RGS7: variants seen among roughly 807,000 people sequenced by gnomAD.
RGS7 encodes regulator of G-protein signaling 7.
RGS7 carries 27 observed loss-of-function variants against 81.1 expected under a neutral mutation model. The observed-to-expected ratio is 0.33, with a 90% CI of 0.25 to 0.46. The LOEUF (loss-of-function observed/expected upper bound fraction) is 0.46, where lower values mean the gene tolerates loss of function less well. Ranked by LOEUF, RGS7 falls within the 20% of genes least tolerant of loss-of-function variation. The pLI, the probability that RGS7 is intolerant of heterozygous loss-of-function variation, is 1.00. For synonymous variants in RGS7, 208 were observed against 207.7 expected, an observed-to-expected ratio of 1.00 and a Z score of -0.01; for missense variants, 396 against 607.4, an observed-to-expected ratio of 0.65 and a Z score of 3.66.
At chr1:241,089,132 G>T (rs1263620525) in intron 3 of RGS7, among the ~76,000 whole-genome samples, 3 of 133,392 alleles carry the variant, frequency 2.2e-5, no homozygotes, top group Admixed American at 1.5e-4. Flanking sequence ...GTCTCAACTG[G>T]GCATAGGGGA....
chr1:241,182,734 C>T (rs758267688), intron 2 of RGS7, among the ~76,000 whole-genome samples: 7 of 151,170 alleles, frequency 4.6e-5, no homozygotes, highest in African/African-American at 7.3e-5. Context: ...GTGCAACCTC[C>T]GCCTTGCGGG....
At chr1:240,986,150 C>G (rs892459553) in intron 3 of RGS7, among the ~76,000 whole-genome samples, 1 of 152,054 alleles carries the variant, frequency 6.6e-6, no homozygotes, top group African/African-American at 2.4e-5. Flanking sequence ...GCATATGTCA[C>G]TTTTAGAGTT....
chr1:241,132,496 G>A (rs1424303459), intron 2 of RGS7: 1 of 152,278 alleles, frequency 6.6e-6, no homozygotes, highest in Non-Finnish European at 1.5e-5. Flanking sequence ...TTGGCAAAGA[G>A]GAATGCTTCC....
intron 2 of RGS7, among the ~76,000 whole-genome samples, chr1:241,135,351 C>T (rs1224752894): frequency 2.6e-5 from 4 of 152,176 alleles, no homozygotes; most frequent in African/African-American, 9.6e-5. Flanking sequence ...GGCGTGAACC[C>T]GGGAGGCGGA....
At chr1:240,827,317 C>A in intron 9 of RGS7, 145 bp from the exon 10 acceptor site, 8 of 717,090 alleles carry the variant, frequency 1.1e-5, no homozygotes, top group South Asian at 1.0e-4. Context: ...TGGCCACAGC[C>A]AGTCCCATCA....
chr1:241,077,843 C>T (rs1002861635), intron 3 of RGS7, among the ~76,000 whole-genome samples: 8 of 152,094 alleles, frequency 5.3e-5, no homozygotes, highest in African/African-American at 1.9e-4. Flanking sequence ...TCACCCCTAC[C>T]CTGAGAAGTC....
intron 2 of RGS7, among the ~76,000 whole-genome samples, chr1:241,197,856 C>G (rs973586926): frequency 6.7e-6 from 1 of 148,884 alleles, no homozygotes. Flanking sequence ...AGATTGCAAA[C>G]TTGATCTAGT....
At position 240,846,722 on chromosome 1, in the gene RGS7, G is replaced by A. The variant is rs76859056; in HGVS notation, c.610-19550C>T. The stretch of plus-strand genomic sequence containing the variant: ...TTTGTGTAACCAATAAACTATGACA[G>A]AAGAGATGACATACCACTTATGAGA... On this transcript the variant is annotated intron_variant, in intron 9 of 18. Coordinates refer to ENST00000440928, the MANE Select transcript of RGS7 (RefSeq NM_001364886.1). Among the ~76,000 whole-genome samples the A allele has an allele frequency of 3.9e-4, 59 of 152,260 alleles. 1 individual carries two copies. In the East Asian group the frequency reaches 0.011, roughly 28 times the overall value.
At chr1:241,254,967 C>A (rs2148239365) in intron 2 of RGS7, among the ~76,000 whole-genome samples, 1 of 152,266 alleles carries the variant, frequency 6.6e-6, no homozygotes, top group East Asian at 1.9e-4. Flanking sequence ...CCCATCCAAC[C>A]AACTATCCTT....
chr1:240,802,854 T>G (rs374089343), intron 16 of RGS7, 50 bp downstream of exon 16: 2 of 1,183,144 alleles, frequency 1.7e-6, no homozygotes, highest in Non-Finnish European at 2.5e-6. Flanking sequence ...CTCCAAATAA[T>G]TATAACTGAG....
chr1:241,182,681 G>A (rs1392713473), intron 2 of RGS7, among the ~76,000 whole-genome samples: 4 of 133,278 alleles, frequency 3.0e-5, no homozygotes, highest in Non-Finnish European at 4.6e-5. Context: ...ACAGAGTCTC[G>A]CTCTGTCACC....
intron 6 of RGS7, among the ~76,000 whole-genome samples, chr1:240,894,177 A>G (rs1668680093): frequency 6.6e-6 from 1 of 152,158 alleles, no homozygotes; most frequent in Non-Finnish European, 1.5e-5. Context: ...TAGGCTACGT[A>G]TTTATTCTTT....
intron 9 of RGS7, among the ~76,000 whole-genome samples, chr1:240,848,707 A>C (rs1032239992): frequency 6.6e-5 from 10 of 152,080 alleles, no homozygotes; most frequent in African/African-American, 2.4e-4. Context: ...ATGCTCCTGA[A>C]TAACACAGAA....
chr1:240,850,291 C>G (rs921677353), intron 9 of RGS7, among the ~76,000 whole-genome samples: 8 of 152,142 alleles, frequency 5.3e-5, no homozygotes, highest in African/African-American at 1.9e-4. Flanking sequence ...TGCTTTGTAT[C>G]CTTGAGTCAG....
intron 2 of RGS7, among the ~76,000 whole-genome samples, chr1:241,161,400 TTAA>T (rs749026442): frequency 7.9e-5 from 12 of 151,544 alleles, no homozygotes; most frequent in Admixed American, 5.3e-4. Context: ...CCATGACACA[TTAA>T]TAATAATAAC....
chr1:241,237,743 C>A (rs2076055986), intron 2 of RGS7, among the ~76,000 whole-genome samples: 2 of 152,114 alleles, frequency 1.3e-5, no homozygotes, highest in African/African-American at 4.8e-5. Flanking sequence ...ATGCAGTGCA[C>A]TTCTGAATAT....
chr1:241,317,008 T>C (rs1010191165), intron 2 of RGS7, among the ~76,000 whole-genome samples: 5 of 152,234 alleles, frequency 3.3e-5, no homozygotes, highest in African/African-American at 1.2e-4. Context: ...CTCCATCACT[T>C]TCTGAAGTCT....
At position 241,271,205 on chromosome 1, in the gene RGS7, C is replaced by T. The variant is rs7551546; in HGVS notation, c.78+84494G>A. Among the ~76,000 whole-genome samples the T allele has an allele frequency of 0.12, 18,240 of 152,146 alleles. 1,226 individuals carry two copies. Among genetic ancestry groups the T allele is most frequent in the Middle Eastern group, 0.17 (51 of 294 alleles). ...AATGTGGAGCTAAACAGTTCAAAAT[C>T]TTGAACAGATCTTATCACCCTTAAA... On this transcript the variant is annotated intron_variant, in intron 2 of 18. Transcript: ENST00000440928. The surrounding 1 kb of genome is among the most constrained non-coding windows in gnomAD (Gnocchi z 4.6).
chr1:240,819,101 T>C (rs923226988), intron 10 of RGS7, among the ~76,000 whole-genome samples: 1 of 152,202 alleles, frequency 6.6e-6, no homozygotes, highest in Non-Finnish European at 1.5e-5. Flanking sequence ...TATATAATAG[T>C]TCTACCTTTC....
Sources: allele counts gnomAD v4.1 joint callset (sites outside exome capture counted in the v4.1 genomes callset), GRCh38; gene constraint gnomAD v4.1.1; non-coding constraint Gnocchi (gnomAD v3.1); transcripts MANE v1.5; gene names NCBI Gene and HGNC (gene_info 2026-07-23, HGNC 2026-07-21).